Variants in RELN observed in about 807,000 individuals in gnomAD.
RELN encodes reelin.
In RELN, 108 loss-of-function variants were observed where a neutral mutation model predicts 427.6. That is an observed-to-expected ratio of 0.25 (90% CI 0.22 to 0.30). The LOEUF (loss-of-function observed/expected upper bound fraction) is 0.30, where lower values mean the gene tolerates loss of function less well. Ranked by LOEUF, RELN falls within the 10% of genes least tolerant of loss-of-function variation. RELN has a pLI of 1.00. For missense variants in RELN, 3,715 were observed against 4,302.8 expected, an observed-to-expected ratio of 0.86 and a Z score of 3.82; for synonymous variants, 1,524 against 1,513.4, an observed-to-expected ratio of 1.01 and a Z score of -0.16.
intron 1 of RELN, among the ~76,000 whole-genome samples, chr7:103,919,753 T>A (rs1394681538): frequency 3.3e-5 from 5 of 152,164 alleles, no homozygotes; most frequent in African/African-American, 1.2e-4. Context: ...AACTCATCGC[T>A]TACATCCACA....
At chr7:103,897,100 C>A (rs1794978001) in intron 2 of RELN, among the ~76,000 whole-genome samples, 1 of 152,018 alleles carries the variant, frequency 6.6e-6, no homozygotes, top group African/African-American at 2.4e-5. Context: ...ACAAGAACAG[C>A]ATAGAAAAAA....
In RELN at chr7:103,651,734, C is replaced by T; in HGVS notation, c.1819G>A (p.Glu607Lys). Residue 607 changes from glutamate to lysine, a missense_variant, in exon 15 of 65, where the codon GAA becomes AAA. Glu to Lys is a moderately conservative substitution (Grantham distance 56). Transcript: ENST00000428762. The part of the protein sequence containing the change: ...HGRSWSLLHT[E>K]CLPEICAGPH... ...CCAGCACAGATCTCAGGTAAGCATTCAGTGTGAAGGAGGGACCAGGAGCGC... is the reference window on the plus strand; with the variant it reads ...CCAGCACAGATCTCAGGTAAGCATTTAGTGTGAAGGAGGGACCAGGAGCGC... 3 of 1,611,884 alleles carry T rather than the reference C, an allele frequency of 1.9e-6. No homozygotes were observed. The highest frequency in any genetic ancestry group is 2.5e-6 in the Non-Finnish European group (3 of 1,178,712).
At chr7:103,518,505 GTTT>G (rs58239018) in intron 49 of RELN, among the ~76,000 whole-genome samples, 3 of 114,396 alleles carry the variant, frequency 2.6e-5, no homozygotes, top group African/African-American at 1.4e-4. Context: ...GGTAATTTAA[GTTT>G]TTTTTTTTTT....
intron 20 of RELN, among the ~76,000 whole-genome samples, chr7:103,627,541 A>G (rs990586388): frequency 6.6e-6 from 1 of 152,100 alleles, no homozygotes; most frequent in East Asian, 1.9e-4. Context: ...TTTAATGAGA[A>G]GCAAGCATTT....
chr7:103,914,823 T>C (rs7797395), intron 2 of RELN, among the ~76,000 whole-genome samples: 37,602 of 151,968 alleles, frequency 0.25, 5,610 homozygotes, highest in African/African-American at 0.41. Flanking sequence ...CCGCCTGTAC[T>C]TTGGACACCT....
In RELN at chr7:103,539,429, C is replaced by T. The variant is rs999677400; in HGVS notation, c.6931-102G>A. 8 of 1,278,624 alleles carry T rather than the reference C, an allele frequency of 6.3e-6. No individual in the cohort carries two copies. The Admixed American group carries it at 1.6e-4, about 25-fold the overall frequency. 79.2% of individuals were successfully genotyped at this position (1,278,624 alleles called of 1,614,324 possible). On this transcript the variant is annotated intron_variant, in intron 44 of 64. Transcript: ENST00000428762. ...TTGTTTGTTTGTTTTGATCTGTTGG[C>T]CTGCTCAGAACTGGCACTGGACGGC...
chr7:103,592,236 T>G (rs1831433178), intron 27 of RELN, among the ~76,000 whole-genome samples: 1 of 152,188 alleles, frequency 6.6e-6, no homozygotes, highest in Non-Finnish European at 1.5e-5. Flanking sequence ...TTCCCCTACG[T>G]GTCCATGTGT....
intron 50 of RELN, 88 bp downstream of exon 50, chr7:103,515,097 G>C: frequency 1.3e-6 from 2 of 1,512,388 alleles, no homozygotes; most frequent in Non-Finnish European, 1.8e-6. Flanking sequence ...CATCTGAAAA[G>C]GTTCCATATT....
chr7:103,759,990 C>CTTTT (rs57019839), intron 4 of RELN, among the ~76,000 whole-genome samples: 5 of 64,930 alleles, frequency 7.7e-5, no homozygotes, highest in African/African-American at 2.8e-4. Flanking sequence ...CACAGTCATA[C>CTTTT]TTTTTTTTTT....
At chr7:103,926,382 C>T (rs540293131) in intron 1 of RELN, among the ~76,000 whole-genome samples, 1 of 152,138 alleles carries the variant, frequency 6.6e-6, no homozygotes, top group African/African-American at 2.4e-5. Context: ...GCGTGAGCCA[C>T]TGCACCTGGC....
At chr7:103,931,803 G>C (rs1795871748) in intron 1 of RELN, among the ~76,000 whole-genome samples, 1 of 152,152 alleles carries the variant, frequency 6.6e-6, no homozygotes, top group Non-Finnish European at 1.5e-5. Flanking sequence ...TGTCCAGGCA[G>C]CACTACACTC....
chr7:103,694,075 A>G (rs1199014757), intron 10 of RELN, among the ~76,000 whole-genome samples: 5 of 152,178 alleles, frequency 3.3e-5, no homozygotes, highest in African/African-American at 4.8e-5. Context: ...AATGTATAAC[A>G]AAACCAGTCT....
intron 6 of RELN, among the ~76,000 whole-genome samples, chr7:103,741,044 T>C (rs886883230): frequency 6.6e-6 from 1 of 152,208 alleles, no homozygotes; most frequent in Non-Finnish European, 1.5e-5. Flanking sequence ...TCCATACTGT[T>C]ACAAAGCTCC....
At chr7:103,974,882 T>C (rs1029496504) in intron 1 of RELN, among the ~76,000 whole-genome samples, 14 of 152,262 alleles carry the variant, frequency 9.2e-5, no homozygotes, top group Middle Eastern at 3.2e-3. Context: ...TGGCGCAGCA[T>C]AGAGAAGCTT....
At chr7:103,785,619 T>C (rs1434093321) in intron 3 of RELN, among the ~76,000 whole-genome samples, 3 of 152,092 alleles carry the variant, frequency 2.0e-5, no homozygotes, top group Non-Finnish European at 4.4e-5. Context: ...AATTTTAAGG[T>C]TCAAACAGCA....
In RELN at chr7:103,515,454, G is replaced by A. The variant is rs1172174061; in HGVS notation, c.7863-13C>T. 1 of 1,613,794 alleles carries A rather than the reference G, an allele frequency of 6.2e-7. No individual in the cohort carries two copies. The highest frequency in any genetic ancestry group is 8.5e-7 in the Non-Finnish European group (1 of 1,179,998). On this transcript the variant is annotated splice_polypyrimidine_tract_variant and intron_variant, in intron 49 of 64. Coordinates refer to ENST00000428762, the MANE Select transcript of RELN (RefSeq NM_005045.4). Reference sequence around the variant, plus strand: ...GATATTCACAAATCTATAGGAAAATGATGGGGAAGGGTGTGGGGAAGAACC... The same window carrying A: ...GATATTCACAAATCTATAGGAAAATAATGGGGAAGGGTGTGGGGAAGAACC...
chr7:103,974,254 G>A (rs910923184), intron 1 of RELN, among the ~76,000 whole-genome samples: 2 of 152,046 alleles, frequency 1.3e-5, no homozygotes, highest in South Asian at 2.1e-4. Context: ...CCTGTGTGAC[G>A]AGTACTATCA....
chr7:103,783,516 T>A (rs1791945462), intron 3 of RELN, among the ~76,000 whole-genome samples: 2 of 152,222 alleles, frequency 1.3e-5, no homozygotes, highest in Non-Finnish European at 2.9e-5. Context: ...ACATCTTTTA[T>A]TCCTAAGCCA....
intron 8 of RELN, among the ~76,000 whole-genome samples, chr7:103,708,048 T>C (rs1213392044): frequency 6.6e-6 from 1 of 152,202 alleles, no homozygotes; most frequent in Non-Finnish European, 1.5e-5. Flanking sequence ...GTAAACTTGG[T>C]CTGATCTAGG....
Sources: gnomAD v4.1 joint callset for allele counts (sites outside exome capture counted in the v4.1 genomes callset) on GRCh38, gnomAD v4.1.1 for gene constraint, MANE v1.5 for transcripts, NCBI Gene and HGNC (gene_info 2026-07-23, HGNC 2026-07-21) for gene names.